RBFOX1: variants seen among roughly 807,000 people sequenced by gnomAD.
RBFOX1 encodes RNA binding protein fox-1 homolog 1.
RBFOX1 carries 8 observed loss-of-function variants against 57.7 expected under a neutral mutation model. That is an observed-to-expected ratio of 0.14 (90% CI 0.08 to 0.25). The LOEUF (loss-of-function observed/expected upper bound fraction) is 0.25, where lower values mean the gene tolerates loss of function less well. RBFOX1 is among the 10% of genes least tolerant of loss of function. The pLI, the probability that RBFOX1 is intolerant of heterozygous loss-of-function variation, is 1.00. For missense variants in RBFOX1, 611 were observed against 548.5 expected (o/e 1.11, Z -1.14); for synonymous variants, 326 against 222.4 (o/e 1.47, Z -4.15).
intron 1 of RBFOX1, among the ~76,000 whole-genome samples, chr16:6,237,407 A>G (rs1385697720): frequency 6.6e-6 from 1 of 152,188 alleles, no homozygotes; most frequent in Non-Finnish European, 1.5e-5. Flanking sequence ...AGTGGGGTTC[A>G]GAGAGGTAAG....
intron 4 of RBFOX1, among the ~76,000 whole-genome samples, chr16:7,473,926 T>G (rs1006871403): frequency 9.2e-5 from 14 of 152,190 alleles, no homozygotes; most frequent in Admixed American, 8.5e-4. Context: ...CAAGCACCTT[T>G]TGAACTCTAC....
chr16:5,942,942 A>C (rs1834038), intron 4 of RBFOX1, among the ~76,000 whole-genome samples: 95,636 of 152,030 alleles, frequency 0.63, 30,292 homozygotes, highest in Middle Eastern at 0.71. Flanking sequence ...CTGAGCCTAC[A>C]CTGTCTCGGG....
At chr16:6,242,173 T>G (rs894490472) in intron 1 of RBFOX1, among the ~76,000 whole-genome samples, 2 of 152,184 alleles carry the variant, frequency 1.3e-5, no homozygotes, top group African/African-American at 4.8e-5. Context: ...TTATTATGTG[T>G]ACATGTTATA....
At chr16:7,196,874 G>C (rs1190340472) in intron 4 of RBFOX1, among the ~76,000 whole-genome samples, 4 of 152,202 alleles carry the variant, frequency 2.6e-5, no homozygotes, top group Non-Finnish European at 5.9e-5. Context: ...ATGGAATTCT[G>C]AGCCAAAGGT....
At chr16:6,886,341 C>A (rs2064025097) in intron 3 of RBFOX1, among the ~76,000 whole-genome samples, 2 of 151,936 alleles carry the variant, frequency 1.3e-5, no homozygotes, top group South Asian at 4.2e-4. Flanking sequence ...GGATTACTGG[C>A]GTGAGTCACT....
At chr16:7,655,461 G>A (rs981833951) in intron 12 of RBFOX1, among the ~76,000 whole-genome samples, 1 of 152,178 alleles carries the variant, frequency 6.6e-6, no homozygotes, top group African/African-American at 2.4e-5. Context: ...CCTGTCAAAT[G>A]TATTTGTATG....
intron 2 of RBFOX1, among the ~76,000 whole-genome samples, chr16:6,341,785 G>A (rs1178559977): frequency 6.6e-6 from 1 of 151,960 alleles, no homozygotes; most frequent in African/African-American, 2.4e-5. Context: ...ACTTGCTTTT[G>A]GTTTGCATTG....
intron 10 of RBFOX1, among the ~76,000 whole-genome samples, chr16:7,619,878 T>C (rs552526889): frequency 3.3e-5 from 5 of 152,248 alleles, no homozygotes; most frequent in South Asian, 2.1e-4. Context: ...TTATAGCAAG[T>C]AGTGGCTTCT....
At chr16:6,741,139 A>G (rs868779872) in intron 3 of RBFOX1, among the ~76,000 whole-genome samples, 2 of 152,208 alleles carry the variant, frequency 1.3e-5, no homozygotes, top group South Asian at 4.1e-4. Context: ...CTTTACAACA[A>G]TGGTGCTGGA....
At chr16:5,558,654 C>G (rs181090323) in intron 2 of RBFOX1, among the ~76,000 whole-genome samples, 349 of 152,262 alleles carry the variant, frequency 2.3e-3, no homozygotes, top group Admixed American at 4.7e-3. Flanking sequence ...TGAGCAAGCT[C>G]CATGGCTCTG....
At chr16:6,589,350 C>T (rs1414221427) in intron 2 of RBFOX1, among the ~76,000 whole-genome samples, 1 of 152,196 alleles carries the variant, frequency 6.6e-6, no homozygotes, top group African/African-American at 2.4e-5. Flanking sequence ...GTTGTTATTA[C>T]TCAAATTAGT....
intron 1 of RBFOX1, among the ~76,000 whole-genome samples, chr16:5,268,452 A>T (rs1396522531): frequency 6.6e-6 from 1 of 152,250 alleles, no homozygotes; most frequent in African/African-American, 2.4e-5. Context: ...GGATAAAATA[A>T]AAAATCTAGT....
chr16:7,038,518 T>C (rs1279883132), intron 3 of RBFOX1, among the ~76,000 whole-genome samples: 1 of 152,180 alleles, frequency 6.6e-6, no homozygotes, highest in Non-Finnish European at 1.5e-5. Flanking sequence ...AGGCAATATG[T>C]TTCTTCCACC....
At chr16:7,307,740 A>C (rs767946764) in intron 4 of RBFOX1, among the ~76,000 whole-genome samples, 3 of 152,202 alleles carry the variant, frequency 2.0e-5, no homozygotes, top group Non-Finnish European at 4.4e-5. Context: ...GTATACATAC[A>C]CACAGACACA....
chr16:7,660,398 C>G (rs929406835), intron 12 of RBFOX1, among the ~76,000 whole-genome samples: 2 of 152,226 alleles, frequency 1.3e-5, no homozygotes, highest in Non-Finnish European at 2.9e-5. Context: ...TCTCTCCTAA[C>G]TGTTCCGTGG....
chr16:7,330,977 G>T (rs118179424), intron 4 of RBFOX1, among the ~76,000 whole-genome samples: 3,150 of 152,288 alleles, frequency 0.021, 49 homozygotes, highest in Middle Eastern at 0.031. Flanking sequence ...AGTAAGAGGG[G>T]TCAGTGCGCA....
At chr16:6,667,307 G>C (rs1233868452) in intron 3 of RBFOX1, among the ~76,000 whole-genome samples, 1 of 152,030 alleles carries the variant, frequency 6.6e-6, no homozygotes, top group East Asian at 1.9e-4. Flanking sequence ...TCGGGCTATT[G>C]GTCTCATACA....
chr16:5,517,559 A>C (rs1423949088), intron 2 of RBFOX1, among the ~76,000 whole-genome samples: 1 of 152,142 alleles, frequency 6.6e-6, no homozygotes, highest in African/African-American at 2.4e-5. Context: ...GGTCCAGTCC[A>C]CTGTGAATGG....
At chr16:6,399,422 A>G (rs1331918531) in intron 2 of RBFOX1, among the ~76,000 whole-genome samples, 1 of 152,220 alleles carries the variant, frequency 6.6e-6, no homozygotes, top group Admixed American at 6.5e-5. Context: ...TCTCTAGGGC[A>G]GGAGCAAAAT....
Sources: gnomAD v4.1 joint callset for allele counts (sites outside exome capture counted in the v4.1 genomes callset) on GRCh38, gnomAD v4.1.1 for gene constraint, MANE v1.5 for transcripts, NCBI Gene and HGNC (gene_info 2026-07-23, HGNC 2026-07-21) for gene names.